BPTF: variants seen among roughly 807,000 people sequenced by gnomAD.
The protein encoded by BPTF is nucleosome-remodeling factor subunit BPTF.
Under a neutral mutation model 292.5 loss-of-function variants are expected in BPTF, and 18 were observed. The observed-to-expected ratio is 0.06, with a 90% CI of 0.04 to 0.09. The LOEUF (loss-of-function observed/expected upper bound fraction) is 0.09. Among genes scored for constraint, BPTF ranks in the 10% least tolerant of loss-of-function variants. The probability of loss-of-function intolerance (pLI) is 1.00; values close to 1 mark genes in which losing one functional copy is unlikely to be tolerated. For synonymous variants in BPTF, 1,225 were observed against 1,251.9 expected (o/e 0.98, Z 0.45); for missense variants, 2,726 against 3,498.7 (o/e 0.78, Z 5.57).
chr17:67,919,725 G>A (rs2063311361), intron 12 of BPTF, among the ~76,000 whole-genome samples: 1 of 152,140 alleles, frequency 6.6e-6, no homozygotes, highest in Admixed American at 6.5e-5. Flanking sequence ...GGAGGCCTGT[G>A]CTTGCTGCTT....
At chr17:67,850,088 G>A (rs2058299463) in intron 1 of BPTF, among the ~76,000 whole-genome samples, 1 of 152,158 alleles carries the variant, frequency 6.6e-6, no homozygotes, top group Admixed American at 6.5e-5. Flanking sequence ...CATTTCTAAT[G>A]TTGTCAGATA....
rs200002880 is a variant in BPTF, at chr17:67,980,045, CA to C, written c.8727-2198del. On this transcript the variant is annotated intron_variant, in intron 27 of 27. Transcript: ENST00000306378. ...GAGACTCCGTCTGAAAACAAACAAA[CA>C]AAAAAAAACCTACCCAGGCCGGGTG... 3.4e-5 allele frequency among the ~76,000 whole-genome samples: 5 copies of C among 144,948 alleles called. No homozygotes were observed. In the South Asian group the frequency reaches 1.1e-3, roughly 32 times the overall value.
At chr17:67,860,119 G>T (rs2058987898) in intron 2 of BPTF, among the ~76,000 whole-genome samples, 1 of 152,140 alleles carries the variant, frequency 6.6e-6, no homozygotes, top group Non-Finnish European at 1.5e-5. Flanking sequence ...TTTTAAAGAT[G>T]ATTTCAGGCA....
intron 7 of BPTF, among the ~76,000 whole-genome samples, chr17:67,899,751 C>T (rs904416780): frequency 4.0e-5 from 6 of 151,302 alleles, no homozygotes; most frequent in South Asian, 2.1e-4. Flanking sequence ...GGCTGGTCTC[C>T]GACTCCCAAC....
intron 1 of BPTF, among the ~76,000 whole-genome samples, chr17:67,832,995 T>C (rs1372526612): frequency 6.6e-6 from 1 of 151,112 alleles, no homozygotes; most frequent in Non-Finnish European, 1.5e-5. Context: ...GACAGGGTTT[T>C]ACTATGTTGG....
chr17:67,981,866 AACACAC>A (rs60203396), intron 27 of BPTF: 148 of 133,970 alleles, frequency 1.1e-3, no homozygotes, highest in African/African-American at 3.0e-3. Flanking sequence ...AATGTAAATA[AACACAC>A]ACACACACAC....
intron 1 of BPTF, among the ~76,000 whole-genome samples, chr17:67,834,118 A>G (rs1040886963): frequency 1.3e-5 from 2 of 152,096 alleles, no homozygotes; most frequent in African/African-American, 4.8e-5. Flanking sequence ...TCTGATCACC[A>G]TTCCCTTTAC....
chr17:67,862,257 T>C (rs1331399902), intron 2 of BPTF, among the ~76,000 whole-genome samples: 1 of 152,256 alleles, frequency 6.6e-6, no homozygotes, highest in Non-Finnish European at 1.5e-5. Flanking sequence ...ATTACAGGCG[T>C]GAGCCATCGT....
intron 1 of BPTF, among the ~76,000 whole-genome samples, chr17:67,832,941 CT>C (rs2056835288): frequency 6.6e-6 from 1 of 151,054 alleles, no homozygotes; most frequent in African/African-American, 2.5e-5. Context: ...GCACCTGCCA[CT>C]GTGCCTGGCT....
intron 15 of BPTF, among the ~76,000 whole-genome samples, chr17:67,926,890 C>A (rs1382515382): frequency 6.6e-6 from 1 of 150,664 alleles, no homozygotes; most frequent in South Asian, 2.1e-4. Flanking sequence ...GAAACACTAC[C>A]ACACCCACCT....
intron 23 of BPTF, chr17:67,957,303 AAAAAT>A (rs2067053236): frequency 6.6e-6 from 1 of 152,302 alleles, no homozygotes; most frequent in Admixed American, 6.5e-5. Context: ...AAAAAATAAA[AAAAAT>A]AAAGGAAACG....
intron 7 of BPTF, among the ~76,000 whole-genome samples, chr17:67,897,180 CAAAA>C (rs1342788760): frequency 1.4e-5 from 2 of 147,582 alleles, no homozygotes; most frequent in African/African-American, 2.5e-5. Flanking sequence ...AAAACAAAAA[CAAAA>C]AACGAAATTA....
chr17:67,867,216 A>C (rs1335396993), intron 3 of BPTF, among the ~76,000 whole-genome samples: 4 of 152,158 alleles, frequency 2.6e-5, no homozygotes, highest in African/African-American at 9.7e-5. Flanking sequence ...GCCTTGGGTC[A>C]TTACTGATAT....
chr17:67,959,491 C>T, intron 23 of BPTF, 50 bp from the exon 24 acceptor site: 3 of 1,410,202 alleles, frequency 2.1e-6, no homozygotes, highest in Non-Finnish European at 2.8e-6. Context: ...CCAGATCACA[C>T]ATTTACATGA....
chr17:67,826,055 C>T lies in BPTF; in HGVS notation c.331C>T (p.Leu111=). ...RTGGGGGGGH[L]ARTTAARRAV... ...GGGGGGCGGGGGCGGCGGCGGCCAC[C>T]TGGCCCGGACCACCGCGGCCCGGAG... Residue 111 remains leucine (L), a synonymous_variant, in exon 1 of 28, where the codon CTG becomes TTG. Transcript: ENST00000306378. 8.2e-7 allele frequency: 1 copy of T among 1,215,864 alleles called. No individual in the cohort carries two copies. The highest frequency in any genetic ancestry group is 1.1e-6 in the Non-Finnish European group (1 of 931,490). The allele number at this position is 1,215,864 out of a possible 1,614,324, so 75.3% of individuals were successfully genotyped here. A position where few individuals can be genotyped will look rare whatever the true frequency, so the allele number is the denominator to read the frequency against.
rs1464031696 is a variant in BPTF at position 67,825,841 on chromosome 17, C to T, written c.117C>T (p.Leu39=). The stretch of plus-strand genomic sequence containing the variant: ...CCACGTCCGGACCCATCGGGGGGCT[C>T]CGCTCGCGGCACCGCGGCAGCAGCC... ...PPPTSGPIGG[L]RSRHRGSSRG... The change falls in exon 1 of 28, where the codon CTC becomes CTT. Residue 39 remains leucine (L), a synonymous_variant. Coordinates refer to ENST00000306378, the MANE Select transcript of BPTF (RefSeq NM_182641.4). 4.0e-5 allele frequency: 41 copies of T among 1,015,806 alleles called. No individual in the cohort carries two copies. Among genetic ancestry groups the T allele is most frequent in the African/African-American group, 5.2e-5 (3 of 57,414 alleles). 62.9% of individuals were successfully genotyped at this position (1,015,806 alleles called of 1,614,324 possible).
At chr17:67,867,058 C>T (rs2059432031) in intron 3 of BPTF, among the ~76,000 whole-genome samples, 1 of 152,184 alleles carries the variant, frequency 6.6e-6, no homozygotes, top group South Asian at 2.1e-4. Flanking sequence ...ATCACCATCA[C>T]GTATGTGGTT....
chr17:67,878,711 T>G (rs990998279), intron 4 of BPTF, among the ~76,000 whole-genome samples: 1 of 151,958 alleles, frequency 6.6e-6, no homozygotes, highest in African/African-American at 2.4e-5. Context: ...TGTCAGTCGT[T>G]TAGATATCCT....
chr17:67,838,239 A>G (rs2144223628), intron 1 of BPTF, among the ~76,000 whole-genome samples: 1 of 152,348 alleles, frequency 6.6e-6, no homozygotes, highest in Non-Finnish European at 1.5e-5. Context: ...GGCTGGCCAT[A>G]GTTTATTCAC....
Sources: gnomAD v4.1 joint callset for allele counts (sites outside exome capture counted in the v4.1 genomes callset) on GRCh38, gnomAD v4.1.1 for gene constraint, MANE v1.5 for transcripts, NCBI Gene and HGNC (gene_info 2026-07-23, HGNC 2026-07-21) for gene names.